Variants in CRY1 observed in about 807,000 individuals in gnomAD.
CRY1 encodes cryptochrome-1.
CRY1 carries 45 observed loss-of-function variants against 76.0 expected under a neutral mutation model. The ratio of observed to expected loss-of-function variants is 0.59; its 90% CI spans 0.47 to 0.76. The LOEUF (loss-of-function observed/expected upper bound fraction) is 0.76. Among genes scored for constraint, CRY1 ranks in the 30% least tolerant of loss-of-function variants. The pLI, the probability that CRY1 is intolerant of heterozygous loss-of-function variation, is 0.00. For synonymous variants in CRY1, 248 were observed against 244.0 expected (o/e 1.02, Z -0.15); for missense variants, 587 against 716.4 (o/e 0.82, Z 2.06).
chr12:107,091,141 G>T (rs979478364), intron 1 of CRY1, among the ~76,000 whole-genome samples: 2 of 151,794 alleles, frequency 1.3e-5, no homozygotes, highest in Admixed American at 1.3e-4. Flanking sequence ...CTAGGTTCAT[G>T]CGATTCTCGT....
At chr12:107,037,959 T>TCCCTTCCCTTC (rs1593518329) in intron 1 of CRY1, among the ~76,000 whole-genome samples, 2 of 152,270 alleles carry the variant, frequency 1.3e-5, no homozygotes, top group East Asian at 3.9e-4. Flanking sequence ...TCCTTCTGCT[T>TCCCTTCCCTTC]TGGCCTCCCA....
At chr12:106,995,453 GTTTT>G (rs559099343) in intron 10 of CRY1, among the ~76,000 whole-genome samples, 9 of 151,900 alleles carry the variant, frequency 5.9e-5, no homozygotes, top group East Asian at 3.9e-4. Context: ...TTTTTATCCT[GTTTT>G]TTTTATTTTG....
Position 106,999,999 on chromosome 12 carries a change from T to C in CRY1, c.768A>G (p.Arg256=). Residue 256 remains arginine, a synonymous_variant, in exon 6 of 13, where the codon CGA becomes CGG. Coordinates refer to ENST00000008527, the MANE Select transcript of CRY1 (RefSeq NM_004075.5). The stretch of plus-strand genomic sequence containing the variant: ...ACAGTCGACATGACAAACAACCAAA[T>C]CGGAGATAAGGACTAAGTCCAGTAG... ...ASPTGLSPYL[R]FGCLSCRLFY... is the part of the protein sequence containing the mutation. 6.2e-7 allele frequency: 1 copy of C among 1,613,004 alleles called. No individual in the cohort carries two copies. The highest frequency in any genetic ancestry group is 1.7e-4 in the Middle Eastern group (1 of 6,058).
intron 3 of CRY1, 124 bp downstream of exon 3, chr12:107,004,982 T>C: frequency 2.6e-6 from 2 of 783,332 alleles, no homozygotes; most frequent in Non-Finnish European, 3.9e-6. Flanking sequence ...TTCTACTTTA[T>C]AAACCTCAGT....
chr12:107,051,231 C>T (rs141366515), intron 1 of CRY1, among the ~76,000 whole-genome samples: 233 of 152,170 alleles, frequency 1.5e-3, no homozygotes, highest in African/African-American at 5.1e-3. Context: ...AACAAACAAA[C>T]AGAAACAACA....
Position 107,002,083 on chromosome 12 carries a change from T to C in CRY1, c.411-135A>G, listed in dbSNP as rs564740451. On this transcript the variant is annotated intron_variant, in intron 3 of 12. Coordinates refer to ENST00000008527, the MANE Select transcript of CRY1 (RefSeq NM_004075.5). Reference sequence around the variant, plus strand: ...CTTTGAGGGTGTTAGCTTGTTATAATGACCAAGAAATGTGTCCAAAATGAT... The same window carrying C: ...CTTTGAGGGTGTTAGCTTGTTATAACGACCAAGAAATGTGTCCAAAATGAT... 6.0e-6 allele frequency: 4 copies of C among 666,880 alleles called. No individual in the cohort carries two copies. The African/African-American group carries it at 7.7e-5, about 13-fold the overall frequency. The allele number at this position is 666,880 out of a possible 1,614,324, so 41.3% of individuals were successfully genotyped here. A position where few individuals can be genotyped will look rare whatever the true frequency, so the allele number is the denominator to read the frequency against.
chr12:107,071,820 AGATTT>A (rs1468526308), intron 1 of CRY1, among the ~76,000 whole-genome samples: 1 of 152,242 alleles, frequency 6.6e-6, no homozygotes, highest in African/African-American at 2.4e-5. Flanking sequence ...ATGGAAGACT[AGATTT>A]AACGGCAGGT....
chr12:107,045,277 A>T (rs1193658296), intron 1 of CRY1, among the ~76,000 whole-genome samples: 1 of 152,214 alleles, frequency 6.6e-6, no homozygotes, highest in Non-Finnish European at 1.5e-5. Flanking sequence ...CTCAGCAAAG[A>T]TATCCTTCAG....
rs761270188 is a variant in CRY1 at position 107,022,038 on chromosome 12, T to C, written c.267+46A>G. On this transcript the variant is annotated intron_variant, in intron 2 of 12. Transcript: ENST00000008527. Reference sequence around the variant, plus strand: ...AAAACTTTATTTACCAAATATGTAATATTATCTGAGAAAAGATTGTTTTAT... The same window carrying C: ...AAAACTTTATTTACCAAATATGTAACATTATCTGAGAAAAGATTGTTTTAT... 3.7e-6 allele frequency: 5 copies of C among 1,362,898 alleles called. No homozygotes were observed. The African/African-American group carries it at 4.3e-5, about 12-fold the overall frequency. 84.4% of individuals were successfully genotyped at this position (1,362,898 alleles called of 1,614,324 possible).
At chr12:107,024,183 C>T (rs1952584718) in intron 1 of CRY1, among the ~76,000 whole-genome samples, 1 of 152,128 alleles carries the variant, frequency 6.6e-6, no homozygotes, top group African/African-American at 2.4e-5. Flanking sequence ...AAATCTTCCC[C>T]ACCAGAAGTG....
At chr12:107,075,778 T>C (rs1447030787) in intron 1 of CRY1, among the ~76,000 whole-genome samples, 1 of 152,160 alleles carries the variant, frequency 6.6e-6, no homozygotes, top group Non-Finnish European at 1.5e-5. Context: ...ACAGTAATCT[T>C]GTAAAAAATG....
At chr12:106,998,692 A>ACACACACACACACACACACAC (rs35847830) in intron 7 of CRY1, among the ~76,000 whole-genome samples, 1 of 150,854 alleles carries the variant, frequency 6.6e-6, no homozygotes, top group African/African-American at 2.5e-5. Flanking sequence ...ACACACACAC[A>ACACACACACACACACACACAC]AGCTCAGAAA....
chr12:107,092,447 C>T (rs1024920633), intron 1 of CRY1, among the ~76,000 whole-genome samples: 5 of 152,152 alleles, frequency 3.3e-5, no homozygotes, highest in African/African-American at 1.2e-4. Context: ...CATCACAATC[C>T]TTCCGAATGC....
chr12:107,017,810 G>GTTT (rs1253161192), intron 2 of CRY1, among the ~76,000 whole-genome samples: 1 of 152,160 alleles, frequency 6.6e-6, no homozygotes, highest in South Asian at 2.1e-4. Context: ...CCAGATGCAT[G>GTTT]GCTCACTCTT....
intron 1 of CRY1, among the ~76,000 whole-genome samples, chr12:107,079,811 T>A (rs916476354): frequency 2.0e-5 from 3 of 152,140 alleles, no homozygotes; most frequent in Admixed American, 6.6e-5. Flanking sequence ...ACACAAGGAT[T>A]TGAAACCATG....
intron 2 of CRY1, among the ~76,000 whole-genome samples, chr12:107,014,763 T>C (rs1208697693): frequency 6.6e-6 from 1 of 152,206 alleles, no homozygotes; most frequent in Non-Finnish European, 1.5e-5. Flanking sequence ...CTGCAGGAAA[T>C]TGGTTCCAGG....
intron 1 of CRY1, among the ~76,000 whole-genome samples, chr12:107,071,262 T>C (rs950419666): frequency 1.2e-4 from 18 of 152,186 alleles, no homozygotes; most frequent in African/African-American, 4.3e-4. Context: ...TTTGGTAGCC[T>C]TCTATTTCTG....
intron 1 of CRY1, among the ~76,000 whole-genome samples, chr12:107,088,187 A>T (rs1332438918): frequency 6.6e-6 from 1 of 152,210 alleles, no homozygotes; most frequent in Non-Finnish European, 1.5e-5. Context: ...GGAACATGAG[A>T]TAAGATCCCT....
At chr12:107,076,829 A>C (rs1272803403) in intron 1 of CRY1, among the ~76,000 whole-genome samples, 1 of 151,958 alleles carries the variant, frequency 6.6e-6, no homozygotes, top group East Asian at 1.9e-4. Context: ...ACATCTTTAC[A>C]ATGGCGAGTT....
Sources: gnomAD v4.1 joint callset for allele counts (sites outside exome capture counted in the v4.1 genomes callset) on GRCh38, gnomAD v4.1.1 for gene constraint, MANE v1.5 for transcripts, NCBI Gene and HGNC (gene_info 2026-07-23, HGNC 2026-07-21) for gene names.